Variants in LARP4B observed in about 807,000 individuals in gnomAD.
LARP4B encodes La ribonucleoprotein 4B, also known as la-related protein 4B.
Under a neutral mutation model 89.8 loss-of-function variants are expected in LARP4B, and 12 were observed. The ratio of observed to expected loss-of-function variants is 0.13; its 90% confidence interval spans 0.09 to 0.22. LARP4B has a LOEUF of 0.22. LARP4B is among the 10% of genes least tolerant of loss of function. LARP4B has a pLI of 1.00. For synonymous variants in LARP4B, 367 were observed against 363.3 expected (o/e 1.01, Z -0.12); for missense variants, 757 against 947.7 (o/e 0.80, Z 2.64).
chr10:816,720 G>A (rs1832080753), intron 15 of LARP4B, among the ~76,000 whole-genome samples: 1 of 152,198 alleles, frequency 6.6e-6, no homozygotes, highest in Admixed American at 6.5e-5. Flanking sequence ...TAAGGCTAAT[G>A]TGACAATCCT....
chr10:904,818 T>A (rs1260892051), intron 1 of LARP4B, among the ~76,000 whole-genome samples: 1 of 152,114 alleles, frequency 6.6e-6, no homozygotes, highest in Admixed American at 6.5e-5. Context: ...AGTACTCCCA[T>A]GCGAGCAAGG....
At chr10:885,518 T>C (rs1275235163) in intron 2 of LARP4B, 123 bp downstream of exon 2, 1 of 608,422 alleles carries the variant, frequency 1.6e-6, no homozygotes, top group South Asian at 2.4e-5. Flanking sequence ...GAGACTCTAA[T>C]ATCTGTATGC....
the LARP4B span, among the ~76,000 whole-genome samples, chr10:941,039 G>C: frequency 2.6e-5 from 4 of 152,320 alleles, no homozygotes; most frequent in Non-Finnish European, 4.4e-5. Context: ...GGACGAGGAG[G>C]TCAGGTTGTT....
At chr10:807,083 G>A (rs1322080656), downstream of LARP4B, 1 of 152,264 alleles carries the variant, frequency 6.6e-6, no homozygotes, top group East Asian at 1.9e-4. Flanking sequence ...TACACCGACA[G>A]GAGTGAAAAA....
chr10:821,815 T>G (rs1255719976), intron 13 of LARP4B, among the ~76,000 whole-genome samples: 1 of 152,236 alleles, frequency 6.6e-6, no homozygotes, highest in African/African-American at 2.4e-5. Flanking sequence ...AGCAAATCCC[T>G]ATTATCTCCT....
At chr10:959,842 C>CCACCTCCTCGTCAAT in the LARP4B span, among the ~76,000 whole-genome samples, 2 of 57,506 alleles carry the variant, frequency 3.5e-5, no homozygotes, top group African/African-American at 1.2e-4. Flanking sequence ...CCTCGTCATT[C>CCACCTCCTCGTCAAT]CCACCTCCTC....
the LARP4B span, chr10:971,084 C>G: frequency 1.3e-5 from 2 of 152,186 alleles, no homozygotes; most frequent in African/African-American, 4.8e-5. Flanking sequence ...GCAAGCCCAG[C>G]CGCAGTTTTA....
chr10:856,546 G>C (rs1220697462), intron 5 of LARP4B, among the ~76,000 whole-genome samples: 1 of 152,198 alleles, frequency 6.6e-6, no homozygotes, highest in Non-Finnish European at 1.5e-5. Context: ...ACCTTTGCAG[G>C]AACCAAGGCG....
At chr10:818,125 G>A (rs144353096) in intron 14 of LARP4B, 23 of 446,836 alleles carry the variant, frequency 5.1e-5, no homozygotes, top group Middle Eastern at 1.2e-3. Context: ...AGGACACAGT[G>A]AGGCTAAGGT....
chr10:808,254 AG>A (rs1213627219), downstream of LARP4B: 1 of 152,226 alleles, frequency 6.6e-6, no homozygotes, highest in Non-Finnish European at 1.5e-5. Context: ...ACCTCATCCT[AG>A]TTCTTCCCAG....
intron 1 of LARP4B, among the ~76,000 whole-genome samples, chr10:904,780 T>C (rs1211491811): frequency 6.6e-6 from 1 of 152,118 alleles, no homozygotes; most frequent in Non-Finnish European, 1.5e-5. Context: ...CTCACTGTAT[T>C]AATGCTATGT....
chr10:964,750 C>T, the LARP4B span, among the ~76,000 whole-genome samples: 2 of 152,152 alleles, frequency 1.3e-5, no homozygotes, highest in Non-Finnish European at 2.9e-5. Flanking sequence ...GATGAAAAGG[C>T]GACAGTGGCC....
At chr10:887,988 C>T (rs1049375584) in intron 1 of LARP4B, among the ~76,000 whole-genome samples, 1 of 151,608 alleles carries the variant, frequency 6.6e-6, no homozygotes, top group African/African-American at 2.4e-5. Context: ...CTCGCCACTG[C>T]ACTCCCACCT....
rs1832559124 is a variant in LARP4B, at chr10:825,201, G to A, written c.1348C>T (p.Arg450Trp). ...CCTGCTTGCCTTGTTTGTGGACTCC[G>A]GACACCATTAATTAATCGATCTGCA... Reference protein sequence around the residue: ...FTADRLINGVRSPQTRQAGQT... With the variant: ...FTADRLINGVWSPQTRQAGQT... The change falls in exon 13 of 18, where the codon CGG (arginine) becomes TGG (tryptophan). Residue 450 changes from arginine (R) to tryptophan (W), a missense_variant. Arg to Trp is a moderately radical substitution (Grantham distance 101, BLOSUM62 -3). Coordinates refer to ENST00000316157, the MANE Select transcript of LARP4B (RefSeq NM_015155.3). 3.1e-6 allele frequency: 5 copies of A among 1,613,922 alleles called. No homozygotes were observed. The highest frequency in any genetic ancestry group is 1.6e-4 in the Middle Eastern group (1 of 6,084).
chr10:925,890 TA>T (rs1294634987), intron 1 of LARP4B, among the ~76,000 whole-genome samples: 4 of 152,238 alleles, frequency 2.6e-5, no homozygotes, highest in Non-Finnish European at 5.9e-5. Flanking sequence ...GTCATGTGGC[TA>T]AATTACTCTA....
intron 5 of LARP4B, 57 bp downstream of exon 5, chr10:863,686 A>T (rs1037832470): frequency 3.2e-5 from 49 of 1,512,134 alleles, no homozygotes; most frequent in Non-Finnish European, 4.0e-5. Context: ...CTAAATAAAA[A>T]AAATAAATAA....
chr10:839,114 G>C (rs148558702), intron 7 of LARP4B, among the ~76,000 whole-genome samples: 3,246 of 152,334 alleles, frequency 0.021, 65 homozygotes, highest in Admixed American at 0.061. Context: ...GGGGGAGGCA[G>C]GGATGCACGG....
the LARP4B span, among the ~76,000 whole-genome samples, chr10:981,238 G>A: frequency 2.6e-5 from 4 of 152,116 alleles, no homozygotes; most frequent in African/African-American, 4.8e-5. Flanking sequence ...TCAGTATTTC[G>A]GTCACAACCA....
chr10:853,556 T>G (rs901124633), intron 5 of LARP4B, among the ~76,000 whole-genome samples: 2 of 152,138 alleles, frequency 1.3e-5, no homozygotes, highest in African/African-American at 4.8e-5. Flanking sequence ...TGGTGGCACA[T>G]GCCTGTAGTC....
Sources: gnomAD v4.1 joint callset for allele counts (sites outside exome capture counted in the v4.1 genomes callset) on GRCh38, gnomAD v4.1.1 for gene constraint, MANE v1.5 for transcripts, NCBI Gene and HGNC (gene_info 2026-07-23, HGNC 2026-07-21) for gene names.